Variants in OTOG observed in about 807,000 individuals in gnomAD.
OTOG encodes the protein otogelin.
In OTOG, 296 loss-of-function variants were observed where a neutral mutation model predicts 313.8. The observed-to-expected ratio is 0.94, with a 90% CI of 0.86 to 1.04. The LOEUF is 1.04. Among genes scored for constraint, OTOG ranks in the 50% least tolerant of loss-of-function variants. The pLI is 0.00. For synonymous variants in OTOG, 1,533 were observed against 1,554.9 expected, an observed-to-expected ratio of 0.99 and a Z score of 0.33; for missense variants, 3,948 against 3,840.1, an observed-to-expected ratio of 1.03 and a Z score of -0.74.
chr11:17,553,082 A>T, intron 4 of OTOG, 37 bp from the exon 5 acceptor site: 1 of 1,545,324 alleles, frequency 6.5e-7, no homozygotes, highest in Non-Finnish European at 8.8e-7. Flanking sequence ...TGCCAATCTC[A>T]GCTTGATGGG....
chr11:17,646,017 T>A lies in OTOG; in HGVS notation c.*73T>A. 6 of 1,415,496 alleles carry A rather than the reference T, an allele frequency of 4.2e-6. No homozygotes were observed. The highest frequency in any genetic ancestry group is 2.0e-5 in the Admixed American group (1 of 50,572). 87.7% of individuals were successfully genotyped at this position (1,415,496 alleles called of 1,614,324 possible). A position where few individuals can be genotyped will look rare whatever the true frequency, so the allele number is the denominator to read the frequency against. On this transcript the variant is annotated 3_prime_UTR_variant, in exon 56 of 56. Transcript: ENST00000399397. ...CTGTTTCCAGCTGGCCCAATGTGAA[T>A]GGGGGTATTAAAGGTGGTAGAAATC...
intron 15 of OTOG, among the ~76,000 whole-genome samples, chr11:17,564,188 G>T (rs1170720749): frequency 6.6e-6 from 1 of 152,208 alleles, no homozygotes; most frequent in Admixed American, 6.5e-5. Flanking sequence ...GCTGGGCATG[G>T]TGAGGTTACA....
intron 42 of OTOG, among the ~76,000 whole-genome samples, chr11:17,632,536 T>C (rs1429679945): frequency 6.6e-6 from 1 of 152,194 alleles, no homozygotes; most frequent in Admixed American, 6.5e-5. Flanking sequence ...AAGTGGAGAC[T>C]GTAACCATCG....
intron 16 of OTOG, 116 bp from the exon 17 acceptor site, chr11:17,570,097 C>G: frequency 1.1e-6 from 1 of 907,284 alleles, no homozygotes; most frequent in Non-Finnish European, 1.7e-6. Context: ...GGCAGGCAGG[C>G]AGGGGGCGAA....
chr11:17,578,535 C>A lies in OTOG; in HGVS notation c.2759+9C>A. ...TGCGCCTGTCCCCAGGGGTAAGTAC[C>A]CATGGTGTCGTGGGCCCGTGATCCT... is the stretch of plus-strand genomic sequence containing the variant. On this transcript the variant is annotated intron_variant, in intron 23 of 55. Coordinates refer to ENST00000399397, the MANE Select transcript of OTOG (RefSeq NM_001292063.2). The A allele has an allele frequency of 6.6e-7, 1 of 1,519,410 alleles. No individual in the cohort carries two copies. Among genetic ancestry groups the A allele is most frequent in the East Asian group, 2.5e-5 (1 of 40,576 alleles). The allele number at this position is 1,519,410 out of a possible 1,614,324, so 94.1% of individuals were successfully genotyped here.
intron 32 of OTOG, among the ~76,000 whole-genome samples, chr11:17,604,020 A>C (rs1853319899): frequency 6.6e-6 from 1 of 152,030 alleles, no homozygotes; most frequent in Non-Finnish European, 1.5e-5. Context: ...GGAGGTAGGG[A>C]CTATTATTTT....
intron 32 of OTOG, among the ~76,000 whole-genome samples, chr11:17,604,339 C>T (rs1853329656): frequency 6.6e-6 from 1 of 152,206 alleles, no homozygotes; most frequent in Non-Finnish European, 1.5e-5. Context: ...AGGAGGAAGC[C>T]AAGGCCCAGG....
chr11:17,573,651 G>T (rs968670747), intron 19 of OTOG, among the ~76,000 whole-genome samples: 1 of 152,132 alleles, frequency 6.6e-6, no homozygotes, highest in Non-Finnish European at 1.5e-5. Flanking sequence ...GTTGCCCTGG[G>T]GTTTGAGTAC....
At chr11:17,631,329 C>A (rs1356447437) in intron 40 of OTOG, among the ~76,000 whole-genome samples, 3 of 149,262 alleles carry the variant, frequency 2.0e-5, no homozygotes, top group African/African-American at 7.6e-5. Context: ...CACCTTTTAC[C>A]CAGATTTGCC....
Position 17,608,425 on chromosome 11 carries a change from G to A in OTOG, c.4274+12G>A. 6.6e-7 allele frequency: 1 copy of A among 1,513,258 alleles called. No individual in the cohort carries two copies. Among genetic ancestry groups the A allele is most frequent in the East Asian group, 2.5e-5 (1 of 40,196 alleles). The allele number at this position is 1,513,258 out of a possible 1,614,324, so 93.7% of individuals were successfully genotyped here. On this transcript the variant is annotated intron_variant, in intron 34 of 55. Coordinates refer to ENST00000399397, the MANE Select transcript of OTOG (RefSeq NM_001292063.2). ...CGGGACGTACCCAGGTGAGATGCCA[G>A]GGGCTGTGGGCATGGAGCCAAGGTG...
In OTOG at chr11:17,560,779, C is replaced by T; in HGVS notation, c.1413C>T (p.Tyr471=). 1 of 1,550,708 alleles carries T rather than the reference C, an allele frequency of 6.4e-7. No individual in the cohort carries two copies. The highest frequency in any genetic ancestry group is 8.7e-7 in the Non-Finnish European group (1 of 1,146,988). The change falls in exon 13 of 56, where the codon TAC becomes TAT. Residue 471 remains tyrosine (Y), a synonymous_variant. Transcript: ENST00000399397. ...ECPCEFHGTL[Y]PPGSVVKEDC... ...CCTGTGAGTTTCACGGGACTCTGTA[C>T]CCACCTGGCTCTGTGGTGAAGGAAG...
intron 48 of OTOG, chr11:17,639,016 G>T: frequency 2.9e-6 from 1 of 346,266 alleles, no homozygotes; most frequent in Non-Finnish European, 5.6e-6. Flanking sequence ...TAGCGCCACT[G>T]CACTCCAGCC....
rs372168300 is a variant in OTOG at position 17,570,030 on chromosome 11, A to T, written c.1778-183A>T. Among the ~76,000 whole-genome samples the T allele has an allele frequency of 3.3e-5, 5 of 152,176 alleles. No homozygotes were observed. In the East Asian group the frequency reaches 5.8e-4, roughly 18 times the overall value. The stretch of plus-strand genomic sequence containing the variant: ...GTTATCTCTGGGTCCTGATTTCATC[A>T]CTGAACAGGGTTTCCTCAAGCCTCC... On this transcript the variant is annotated intron_variant, in intron 16 of 55. Coordinates refer to ENST00000399397, the MANE Select transcript of OTOG (RefSeq NM_001292063.2).
chr11:17,573,571 C>T (rs545349616), intron 19 of OTOG, among the ~76,000 whole-genome samples: 2 of 152,332 alleles, frequency 1.3e-5, no homozygotes, highest in East Asian at 3.9e-4. Context: ...CCAAATTCAC[C>T]CACTTCTTAC....
chr11:17,605,778 C>T (rs1185943019), intron 32 of OTOG, 79 bp from the exon 33 acceptor site: 1 of 1,431,528 alleles, frequency 7.0e-7, no homozygotes, highest in Non-Finnish European at 9.4e-7. Flanking sequence ...GCTGAGAGAG[C>T]AGATGTGTGC....
chr11:17,613,137 G>A (rs945355905), intron 38 of OTOG, among the ~76,000 whole-genome samples: 2 of 152,084 alleles, frequency 1.3e-5, no homozygotes, highest in Admixed American at 1.3e-4. Context: ...AAGTCAGGTG[G>A]AAAGAGGTAG....
chr11:17,559,025 A>G (rs1852117690), intron 10 of OTOG, 27 bp from the exon 11 acceptor site: 2 of 1,530,268 alleles, frequency 1.3e-6, no homozygotes, highest in Admixed American at 2.0e-5. Flanking sequence ...GTTTTGTTCC[A>G]GTGTGACCCT....
chr11:17,638,333 G>T (rs530824688), intron 47 of OTOG, 118 bp from the exon 48 acceptor site: 5 of 867,342 alleles, frequency 5.8e-6, no homozygotes, highest in Non-Finnish European at 8.7e-6. Context: ...TCTGAGGACA[G>T]TGGGGGTCAC....
chr11:17,594,698 C>G (rs1853047016), intron 28 of OTOG, among the ~76,000 whole-genome samples: 1 of 152,232 alleles, frequency 6.6e-6, no homozygotes, highest in Admixed American at 6.5e-5. Flanking sequence ...AGATGTCTAA[C>G]TGAGGCTGCC....
Sources: allele counts gnomAD v4.1 joint callset (sites outside exome capture counted in the v4.1 genomes callset), GRCh38; gene constraint gnomAD v4.1.1; transcripts MANE v1.5; gene names NCBI Gene and HGNC (gene_info 2026-07-23, HGNC 2026-07-21).